Variants in POLN observed in about 807,000 individuals in gnomAD.
POLN encodes the protein DNA polymerase N.
In POLN, 108 loss-of-function variants were observed where a neutral mutation model predicts 113.5. The ratio of observed to expected loss-of-function variants is 0.95; its 90% confidence interval spans 0.81 to 1.12. POLN has a LOEUF of 1.12. Among genes scored for constraint, POLN ranks in the 50% most tolerant of loss-of-function variants. The pLI is 0.00. For missense variants in POLN, 1,097 were observed against 1,077.1 expected (o/e 1.02, Z -0.26); for synonymous variants, 386 against 391.5 (o/e 0.99, Z 0.17).
chr4:2,229,047 C>A lies in POLN; in HGVS notation c.133+52G>T. ...CATTTTCAATTCTTAGTCTTTAGAACAATTAACATTCAAAGTATCAAGAGA... is the reference window on the plus strand; with the variant it reads ...CATTTTCAATTCTTAGTCTTTAGAAAAATTAACATTCAAAGTATCAAGAGA... On this transcript the variant is annotated intron_variant, in intron 3 of 25. Transcript: ENST00000511885. 4 of 1,508,012 alleles carry A rather than the reference C, an allele frequency of 2.7e-6. No individual in the cohort carries two copies. The South Asian group carries it at 3.7e-5, about 14-fold the overall frequency. The allele number at this position is 1,508,012 out of a possible 1,614,324, so 93.4% of individuals were successfully genotyped here.
intron 5 of POLN, among the ~76,000 whole-genome samples, chr4:2,199,381 G>A (rs2108759838): frequency 6.6e-6 from 1 of 152,024 alleles, no homozygotes; most frequent in South Asian, 2.1e-4. Context: ...GAACCAAGAA[G>A]ATCAATAAAC....
chr4:2,239,965 T>C (rs557867664), intron 2 of POLN: 1 of 1,184,132 alleles, frequency 8.4e-7, no homozygotes, highest in African/African-American at 1.5e-5. Context: ...CTAAAGTACT[T>C]TAACAGCAAT....
intron 11 of POLN, among the ~76,000 whole-genome samples, chr4:2,173,315 T>C (rs1034142480): frequency 6.6e-6 from 1 of 152,172 alleles, no homozygotes; most frequent in Non-Finnish European, 1.5e-5. Flanking sequence ...TGCAGATGTA[T>C]GAGGTACATG....
At chr4:2,094,233 G>A (rs993777054) in intron 20 of POLN, among the ~76,000 whole-genome samples, 4 of 152,152 alleles carry the variant, frequency 2.6e-5, no homozygotes, top group East Asian at 1.9e-4. Context: ...TGTCACCCCA[G>A]CTACTCAGGA....
intron 7 of POLN, among the ~76,000 whole-genome samples, chr4:2,188,085 C>T (rs1384622950): frequency 6.6e-6 from 1 of 152,156 alleles, no homozygotes; most frequent in Non-Finnish European, 1.5e-5. Flanking sequence ...CACTGCATTC[C>T]AGCCTGGGTG....
At chr4:2,082,943 T>G (rs1024167650) in intron 21 of POLN, 1 of 152,198 alleles carries the variant, frequency 6.6e-6, no homozygotes, top group Non-Finnish European at 1.5e-5. Flanking sequence ...TAGAGTGGAT[T>G]TGGAATAGCT....
At position 2,208,167 on chromosome 4, in the gene POLN, A is replaced by G. The variant is rs1733900888; in HGVS notation, c.534T>C (p.Thr178=). Reference sequence around the variant, plus strand: ...AATTTAGGTAGCCTTCGGCGTCATCAGTATCTTCTTCCAATGCCATTTGTT... The same window carrying G: ...AATTTAGGTAGCCTTCGGCGTCATCGGTATCTTCTTCCAATGCCATTTGTT... ...TSKQMALEED[T]DDAEGYLNSG... is the part of the protein sequence containing the mutation. The change falls in exon 5 of 26, where the codon ACT becomes ACC. Residue 178 remains threonine, a synonymous_variant. Coordinates refer to ENST00000511885, the MANE Select transcript of POLN (RefSeq NM_181808.4). 1 of 1,613,998 alleles carries G rather than the reference A, an allele frequency of 6.2e-7. No individual in the cohort carries two copies. The highest frequency in any genetic ancestry group is 2.2e-5 in the East Asian group (1 of 44,886).
intron 24 of POLN, 24 bp downstream of exon 24, chr4:2,075,428 C>T (rs999061575): frequency 1.2e-6 from 2 of 1,612,654 alleles, no homozygotes; most frequent in Non-Finnish European, 8.5e-7. Context: ...GATGTCCAAG[C>T]AACCCTGTGT....
At chr4:2,089,045 G>T in intron 20 of POLN, 2 of 877,838 alleles carry the variant, frequency 2.3e-6, no homozygotes, top group South Asian at 1.5e-5. Flanking sequence ...CCCTAGCTTT[G>T]AACTTAGAAC....
At chr4:2,211,318 A>G (rs1733989709) in intron 4 of POLN, among the ~76,000 whole-genome samples, 1 of 150,024 alleles carries the variant, frequency 6.7e-6, no homozygotes, top group Admixed American at 6.7e-5. Context: ...GTGGATATCA[A>G]GTTGTCAAAG....
chr4:2,089,935 T>C, intron 20 of POLN: 1 of 985,282 alleles, frequency 1.0e-6, no homozygotes, highest in East Asian at 2.6e-5. Context: ...AGGAATTAAG[T>C]TAGCTAGTGA....
chr4:2,130,905 A>T (rs1329170036), intron 17 of POLN, among the ~76,000 whole-genome samples: 4 of 152,240 alleles, frequency 2.6e-5, no homozygotes, highest in African/African-American at 9.6e-5. Context: ...AAAAGGGCAC[A>T]CTGGCTCACA....
chr4:2,074,179 C>A (rs532245006), intron 24 of POLN, among the ~76,000 whole-genome samples: 1 of 152,300 alleles, frequency 6.6e-6, no homozygotes, highest in African/African-American at 2.4e-5. Context: ...GGGCAGCAAG[C>A]GTGGGGCTGA....
chr4:2,211,734 G>C (rs543732607), intron 4 of POLN, among the ~76,000 whole-genome samples: 1 of 152,142 alleles, frequency 6.6e-6, no homozygotes, highest in East Asian at 1.9e-4. Flanking sequence ...CATGGTTGCA[G>C]AGGTGGAGGT....
At chr4:2,179,906 T>C (rs892821521) in intron 7 of POLN, among the ~76,000 whole-genome samples, 4 of 152,218 alleles carry the variant, frequency 2.6e-5, no homozygotes, top group African/African-American at 9.7e-5. Flanking sequence ...CCATGGAGTC[T>C]GGAATCCAAG....
At chr4:2,108,316 A>G (rs1731117026) in intron 19 of POLN, among the ~76,000 whole-genome samples, 1 of 152,160 alleles carries the variant, frequency 6.6e-6, no homozygotes, top group South Asian at 2.1e-4. Flanking sequence ...CACATTTCTT[A>G]AAGGCCCCAG....
intron 17 of POLN, 63 bp downstream of exon 17, chr4:2,131,170 G>C (rs185128663): frequency 1.7e-6 from 2 of 1,195,898 alleles, no homozygotes; most frequent in African/African-American, 3.0e-5. Flanking sequence ...GGGTGACAGA[G>C]TGACACCCTA....
At chr4:2,193,126 C>G (rs1577758954) in intron 7 of POLN, 78 bp downstream of exon 7, 1 of 1,098,800 alleles carries the variant, frequency 9.1e-7, no homozygotes. Context: ...GACATGGCTG[C>G]CCTCACCATT....
At chr4:2,237,160 G>C (rs1734795135) in intron 2 of POLN, among the ~76,000 whole-genome samples, 1 of 152,150 alleles carries the variant, frequency 6.6e-6, no homozygotes, top group African/African-American at 2.4e-5. Context: ...TGATGTAGTA[G>C]AAACAACAGG....
Sources: allele counts gnomAD v4.1 joint callset (sites outside exome capture counted in the v4.1 genomes callset), GRCh38; gene constraint gnomAD v4.1.1; transcripts MANE v1.5; gene names NCBI Gene and HGNC (gene_info 2026-07-23, HGNC 2026-07-21).